Variants in NCAM1 observed in about 807,000 individuals in gnomAD.
The protein encoded by NCAM1 is neural cell adhesion molecule 1, also known as antigen recognized by monoclonal antibody 5.1H11.
NCAM1 carries 14 observed loss-of-function variants against 109.8 expected under a neutral mutation model. The observed-to-expected ratio is 0.13, with a 90% CI of 0.08 to 0.20. The LOEUF is 0.20. Ranked by LOEUF, NCAM1 falls within the 10% of genes least tolerant of loss-of-function variation. NCAM1 has a pLI of 1.00. For synonymous variants in NCAM1, 418 were observed against 442.9 expected, an observed-to-expected ratio of 0.94 and a Z score of 0.70; for missense variants, 774 against 1,109.9, an observed-to-expected ratio of 0.70 and a Z score of 4.30.
intron 1 of NCAM1, among the ~76,000 whole-genome samples, chr11:113,192,640 A>G (rs1310080247): frequency 2.6e-5 from 4 of 152,196 alleles, no homozygotes; most frequent in African/African-American, 9.7e-5. Context: ...CAGAGCAGGC[A>G]AAGAGGAAAC....
intron 1 of NCAM1, among the ~76,000 whole-genome samples, chr11:113,184,536 A>G (rs947574579): frequency 9.2e-5 from 14 of 152,206 alleles, no homozygotes; most frequent in African/African-American, 3.4e-4. Context: ...TCAGAACCCC[A>G]AAGTCTCATT....
rs1555115270 is a variant in NCAM1 at position 113,221,329 on chromosome 11, TAG to T, written c.1089+5_1089+6del. The T allele has an allele frequency of 6.4e-7, 1 of 1,567,968 alleles. No individual in the cohort carries two copies. The highest frequency in any genetic ancestry group is 1.2e-5 in the South Asian group (1 of 85,220). ...GACTCGACCAGAGAAGCAAGAGGTA[TAG>T]CTTACCTGACCACTAGCCAGTCTTT... is the stretch of plus-strand genomic sequence containing the variant. On this transcript the variant is annotated splice_donor_5th_base_variant and intron_variant, in intron 9 of 19. Coordinates refer to ENST00000316851, the MANE Select transcript of NCAM1 (RefSeq NM_181351.5).
intron 1 of NCAM1, among the ~76,000 whole-genome samples, chr11:113,124,710 C>T (rs10502168): frequency 9.2e-5 from 14 of 152,208 alleles, no homozygotes; most frequent in Middle Eastern, 3.4e-3. Flanking sequence ...AGGTATAATA[C>T]GTCAAGGAAA....
At chr11:113,132,482 G>A (rs1459406973) in intron 1 of NCAM1, among the ~76,000 whole-genome samples, 4 of 151,960 alleles carry the variant, frequency 2.6e-5, no homozygotes, top group East Asian at 3.9e-4. Flanking sequence ...CTCTCCTTTC[G>A]GGGTTTCTAC....
intron 1 of NCAM1, among the ~76,000 whole-genome samples, chr11:112,989,175 G>T (rs1343402578): frequency 1.3e-5 from 2 of 152,188 alleles, no homozygotes; most frequent in African/African-American, 4.8e-5. Context: ...GTTTTGAGAT[G>T]ATTTCTTTAA....
At chr11:112,964,269 A>G (rs1555064643) in intron 1 of NCAM1, among the ~76,000 whole-genome samples, 14 of 151,608 alleles carry the variant, frequency 9.2e-5, no homozygotes, top group Non-Finnish European at 1.9e-4. Context: ...TAATACGTCA[A>G]GTGAGTCCGA....
At chr11:113,004,440 C>T (rs1241950744) in intron 1 of NCAM1, among the ~76,000 whole-genome samples, 3 of 151,756 alleles carry the variant, frequency 2.0e-5, no homozygotes, top group South Asian at 2.1e-4. Context: ...TGCAGTGAGC[C>T]GAGATCGTGC....
chr11:113,231,789 G>A lies in NCAM1; in HGVS notation c.1234G>A (p.Val412Met). 1.2e-6 allele frequency: 2 copies of A among 1,614,010 alleles called. No individual in the cohort carries two copies. Among genetic ancestry groups the A allele is most frequent in the Non-Finnish European group, 1.7e-6 (2 of 1,179,896 alleles). ...GQDSQSMYLE[V>M]QYAPKLQGPV... ...GGACTCCCAGTCCATGTACCTTGAA[G>A]TGCAATGTAAGGAATAAATGGGGAA... Residue 412 changes from valine (V) to methionine (M), a missense_variant, in exon 10 of 20, where the codon GTG becomes ATG. Coordinates refer to ENST00000316851, the MANE Select transcript of NCAM1 (RefSeq NM_181351.5).
chr11:113,012,559 G>A (rs1952098247), intron 1 of NCAM1, among the ~76,000 whole-genome samples: 1 of 152,128 alleles, frequency 6.6e-6, no homozygotes, highest in Non-Finnish European at 1.5e-5. Context: ...GTGGGACCAT[G>A]CTTCCCTTGA....
intron 1 of NCAM1, among the ~76,000 whole-genome samples, chr11:113,124,886 G>A (rs570155466): frequency 5.3e-5 from 8 of 152,256 alleles, no homozygotes; most frequent in East Asian, 1.9e-4. Context: ...TATATTTAAC[G>A]TGTGTCATAA....
chr11:113,260,326 A>G lies in NCAM1; in HGVS notation c.2131+3A>G, dbSNP rs1555123085. On this transcript the variant is annotated splice_donor_region_variant and intron_variant, in intron 17 of 19. Coordinates refer to ENST00000316851, the MANE Select transcript of NCAM1 (RefSeq NM_181351.5). ...GGCCCAGCCCACAGCCATCCCAGGT[A>G]TGGCTGCCTCTGCTTTCTGTTTGTT... The G allele has an allele frequency of 1.2e-6, 2 of 1,610,270 alleles. No individual in the cohort carries two copies. Among genetic ancestry groups the G allele is most frequent in the South Asian group, 2.2e-5 (2 of 90,328 alleles).
At chr11:113,104,202 T>TGGGGGGGG (rs1565438460) in intron 1 of NCAM1, among the ~76,000 whole-genome samples, 1 of 2,548 alleles carries the variant, frequency 3.9e-4, no homozygotes, top group East Asian at 0.014. Flanking sequence ...GAAGAGGAGG[T>TGGGGGGGG]GGGGTGGGGG....
chr11:113,078,972 C>A (rs554662644), intron 1 of NCAM1, among the ~76,000 whole-genome samples: 1 of 152,166 alleles, frequency 6.6e-6, no homozygotes, highest in Admixed American at 6.5e-5. Flanking sequence ...CCGAGCCGGG[C>A]TGGCTACTGG....
chr11:113,242,011 G>A (rs894482314), intron 14 of NCAM1, among the ~76,000 whole-genome samples: 1 of 152,200 alleles, frequency 6.6e-6, no homozygotes, highest in Admixed American at 6.5e-5. Context: ...GGCTTTGGAA[G>A]TAGACAGACC....
At chr11:113,204,652 C>G in intron 3 of NCAM1, 148 bp downstream of exon 3, 1 of 767,806 alleles carries the variant, frequency 1.3e-6, no homozygotes, top group Non-Finnish European at 2.1e-6. Flanking sequence ...CTGACCTTGG[C>G]CAACCCAGAA....
chr11:113,205,378 C>A, intron 3 of NCAM1, 145 bp from the exon 4 acceptor site: 2 of 1,013,250 alleles, frequency 2.0e-6, no homozygotes, highest in African/African-American at 1.7e-5. Context: ...CTCTGCCTGA[C>A]GTCTCTGAGG....
At chr11:113,152,223 T>C (rs1555102577) in intron 1 of NCAM1, among the ~76,000 whole-genome samples, 1 of 152,250 alleles carries the variant, frequency 6.6e-6, no homozygotes, top group African/African-American at 2.4e-5. Flanking sequence ...GTACCCCATG[T>C]GTGGGGCATC....
At chr11:113,255,797 C>G (rs1565532776) in intron 15 of NCAM1, 80 bp from the exon 16 acceptor site, 1 of 1,509,906 alleles carries the variant, frequency 6.6e-7, no homozygotes, top group South Asian at 1.2e-5. Context: ...CAGCCCCACC[C>G]TGTCACTCCA....
chr11:112,965,797 C>T (rs1373657705), intron 1 of NCAM1, among the ~76,000 whole-genome samples: 1 of 152,194 alleles, frequency 6.6e-6, no homozygotes, highest in Admixed American at 6.5e-5. Context: ...AGACATTTTA[C>T]AGACAGTCCT....
Sources: allele counts gnomAD v4.1 joint callset (sites outside exome capture counted in the v4.1 genomes callset), GRCh38; gene constraint gnomAD v4.1.1; transcripts MANE v1.5; gene names NCBI Gene and HGNC (gene_info 2026-07-23, HGNC 2026-07-21).